Variants in HEMK2 observed in about 807,000 individuals in gnomAD.
HEMK2 encodes the protein methyltransferase HEMK2.
At chr21:28,602,567 T>C in the HEMK2 span, among the ~76,000 whole-genome samples, 3 of 152,122 alleles carry the variant, frequency 2.0e-5, no homozygotes, top group Admixed American at 1.3e-4. Context: ...GAATGCACAA[T>C]TGTAACTGCA....
the HEMK2 span, among the ~76,000 whole-genome samples, chr21:28,865,869 A>G: frequency 1.3e-5 from 2 of 152,120 alleles, no homozygotes; most frequent in African/African-American, 4.8e-5. Flanking sequence ...CTGTAGCCAC[A>G]TATCCCCACT....
At chr21:28,830,346 T>C in the HEMK2 span, among the ~76,000 whole-genome samples, 22 of 152,210 alleles carry the variant, frequency 1.4e-4, no homozygotes, top group South Asian at 2.3e-3. Flanking sequence ...TGTGTGGCAC[T>C]TCCCCCCCTT....
chr21:28,633,687 C>T, the HEMK2 span, among the ~76,000 whole-genome samples: 252 of 152,248 alleles, frequency 1.7e-3, 1 homozygote, highest in African/African-American at 5.6e-3. Flanking sequence ...TATATGACTT[C>T]GAGATGACTT....
the HEMK2 span, among the ~76,000 whole-genome samples, chr21:28,777,578 G>C: frequency 2.0e-5 from 3 of 152,162 alleles, no homozygotes; most frequent in Non-Finnish European, 4.4e-5. Context: ...GTGACACCAG[G>C]ATGAAATCAA....
the HEMK2 span, among the ~76,000 whole-genome samples, chr21:28,588,977 T>C: frequency 8.5e-6 from 1 of 117,286 alleles, no homozygotes; most frequent in East Asian, 4.9e-4. Flanking sequence ...AGAGAGACAC[T>C]GTCTCAAAAA....
At chr21:28,733,316 T>C in the HEMK2 span, among the ~76,000 whole-genome samples, 1 of 152,118 alleles carries the variant, frequency 6.6e-6, no homozygotes, top group Non-Finnish European at 1.5e-5. Flanking sequence ...ACATTAAGAA[T>C]AAGCAGCAAT....
the HEMK2 span, among the ~76,000 whole-genome samples, chr21:28,783,659 A>T: frequency 0.45 from 67,953 of 152,052 alleles, 16,829 homozygotes; most frequent in African/African-American, 0.66. Context: ...CTGGCCATGC[A>T]TGAGGAGCCC....
the HEMK2 span, among the ~76,000 whole-genome samples, chr21:28,652,573 T>G: frequency 7.9e-5 from 12 of 152,126 alleles, no homozygotes; most frequent in Non-Finnish European, 1.5e-5. Context: ...ACTTTAGAAT[T>G]AAAAATGGCA....
At chr21:28,651,862 A>AT in the HEMK2 span, among the ~76,000 whole-genome samples, 1 of 152,210 alleles carries the variant, frequency 6.6e-6, no homozygotes. Flanking sequence ...AAGAAAAACC[A>AT]TATCAAAATG....
the HEMK2 span, among the ~76,000 whole-genome samples, chr21:28,796,642 G>A: frequency 6.6e-6 from 1 of 152,120 alleles, no homozygotes; most frequent in Non-Finnish European, 1.5e-5. Context: ...ACAGTTTACT[G>A]CAGCATCTAC....
the HEMK2 span, among the ~76,000 whole-genome samples, chr21:28,685,074 A>T: frequency 2.6e-5 from 4 of 152,040 alleles, no homozygotes; most frequent in African/African-American, 9.7e-5. Context: ...CAGGTATTAG[A>T]GTCAGGGAAG....
the HEMK2 span, chr21:28,872,591 G>A: frequency 1.3e-5 from 2 of 152,124 alleles, no homozygotes; most frequent in Non-Finnish European, 2.9e-5. Context: ...TCTTTTACCA[G>A]TACTACAAGA....
chr21:28,800,912 T>G, the HEMK2 span, among the ~76,000 whole-genome samples: 1 of 152,240 alleles, frequency 6.6e-6, no homozygotes, highest in Non-Finnish European at 1.5e-5. Context: ...CATCATTGAC[T>G]AAGTAGCCTT....
the HEMK2 span, among the ~76,000 whole-genome samples, chr21:28,843,503 C>T: frequency 6.6e-6 from 1 of 152,088 alleles, no homozygotes. Context: ...AGCACATGTG[C>T]AATTCAAACT....
At chr21:28,804,193 T>C in the HEMK2 span, among the ~76,000 whole-genome samples, 3 of 152,082 alleles carry the variant, frequency 2.0e-5, no homozygotes, top group Non-Finnish European at 4.4e-5. Flanking sequence ...AAAACCTTTT[T>C]CCCATCTCTT....
chr21:28,646,525 T>G, the HEMK2 span, among the ~76,000 whole-genome samples: 1 of 152,206 alleles, frequency 6.6e-6, no homozygotes, highest in South Asian at 2.1e-4. Flanking sequence ...TGTTGCTATG[T>G]AACAAACCAC....
the HEMK2 span, among the ~76,000 whole-genome samples, chr21:28,632,704 T>G: frequency 7.2e-5 from 11 of 152,256 alleles, no homozygotes; most frequent in East Asian, 1.9e-3. Context: ...AAAAGTTATA[T>G]TTATAGAAAA....
At chr21:28,862,339 A>T in the HEMK2 span, among the ~76,000 whole-genome samples, 2 of 151,930 alleles carry the variant, frequency 1.3e-5, no homozygotes, top group African/African-American at 2.4e-5. Context: ...ATACAGAATG[A>T]GTAGTAGAAG....
chr21:28,662,086 A>T, the HEMK2 span, among the ~76,000 whole-genome samples: 1 of 152,072 alleles, frequency 6.6e-6, no homozygotes, highest in Non-Finnish European at 1.5e-5. Flanking sequence ...TCATCTCTAG[A>T]GCTGAGGGAA....
Sources: allele counts gnomAD v4.1 joint callset (sites outside exome capture counted in the v4.1 genomes callset), GRCh38; gene constraint gnomAD v4.1.1; transcripts MANE v1.5; gene names NCBI Gene and HGNC (gene_info 2026-07-23, HGNC 2026-07-21).